Variants in CCDC7 observed in about 807,000 individuals in gnomAD.
The protein encoded by CCDC7 is coiled-coil domain containing 7.
In CCDC7, 183 loss-of-function variants were observed where a neutral mutation model predicts 196.9. That is an observed-to-expected ratio of 0.93 (90% CI 0.82 to 1.05). The LOEUF (loss-of-function observed/expected upper bound fraction) is 1.05, where lower values mean the gene tolerates loss of function less well. CCDC7 is among the 50% of genes least tolerant of loss of function. The pLI, the probability that CCDC7 is intolerant of heterozygous loss-of-function variation, is 0.00. For missense variants in CCDC7, 1,540 were observed against 1,482.2 expected, an observed-to-expected ratio of 1.04 and a Z score of -0.64; for synonymous variants, 525 against 484.6, an observed-to-expected ratio of 1.08 and a Z score of -1.10.
intron 22 of CCDC7, among the ~76,000 whole-genome samples, chr10:32,687,613 C>A (rs181304551): frequency 7.9e-5 from 12 of 152,286 alleles, no homozygotes. Context: ...GGAGATAAAT[C>A]ATTGGTAAAC....
chr10:32,828,430 G>GAAGAA (rs151097370), intron 32 of CCDC7, among the ~76,000 whole-genome samples: 14 of 95,002 alleles, frequency 1.5e-4, no homozygotes, highest in African/African-American at 4.6e-4. Flanking sequence ...AGAAGAAGAA[G>GAAGAA]GAAGGAAGGA....
At chr10:32,830,141 T>TATATATATATATATATATATATA (rs2091994351) in intron 32 of CCDC7, among the ~76,000 whole-genome samples, 1 of 119,630 alleles carries the variant, frequency 8.4e-6, no homozygotes, top group African/African-American at 2.7e-5. Context: ...TATATATATA[T>TATATATATATATATATATATATA]CCTATTAGTT....
intron 18 of CCDC7, among the ~76,000 whole-genome samples, chr10:32,604,296 G>A (rs1352978650): frequency 6.6e-6 from 1 of 152,044 alleles, no homozygotes; most frequent in Non-Finnish European, 1.5e-5. Flanking sequence ...ATTGGTCTAT[G>A]TGTCTGTTTT....
At chr10:32,783,697 C>G (rs2081387873) in intron 29 of CCDC7, among the ~76,000 whole-genome samples, 1 of 152,188 alleles carries the variant, frequency 6.6e-6, no homozygotes, top group South Asian at 2.1e-4. Context: ...TGTGCACCAG[C>G]ATTTATAACA....
At chr10:32,765,149 T>C (rs2078074691) in intron 28 of CCDC7, among the ~76,000 whole-genome samples, 1 of 152,034 alleles carries the variant, frequency 6.6e-6, no homozygotes, top group African/African-American at 2.4e-5. Context: ...AAGGGTACCT[T>C]GAGGAAGGAC....
intron 16 of CCDC7, among the ~76,000 whole-genome samples, chr10:32,573,042 T>C (rs1389356209): frequency 1.3e-5 from 2 of 152,088 alleles, no homozygotes; most frequent in Admixed American, 1.3e-4. Flanking sequence ...CATGCCCGGC[T>C]AATTTTTATA....
chr10:32,722,205 C>T (rs1438608445), intron 25 of CCDC7, among the ~76,000 whole-genome samples: 3 of 152,106 alleles, frequency 2.0e-5, no homozygotes, highest in South Asian at 2.1e-4. Flanking sequence ...CCAAATGGCT[C>T]TAACTAGAGC....
chr10:32,751,413 C>T (rs986060230), intron 28 of CCDC7, among the ~76,000 whole-genome samples: 1 of 151,982 alleles, frequency 6.6e-6, no homozygotes, highest in Non-Finnish European at 1.5e-5. Context: ...GCAGTCTCAG[C>T]TTCTAGTTTA....
intron 18 of CCDC7, among the ~76,000 whole-genome samples, chr10:32,592,330 A>G (rs1043155175): frequency 1.3e-5 from 2 of 151,496 alleles, no homozygotes; most frequent in South Asian, 4.2e-4. Context: ...TTTTCTGTTT[A>G]CTTCATTTAT....
intron 41 of CCDC7, among the ~76,000 whole-genome samples, chr10:32,867,111 C>G (rs1178179623): frequency 6.6e-6 from 1 of 151,496 alleles, no homozygotes; most frequent in Non-Finnish European, 1.5e-5. Context: ...AAAAAACCCA[C>G]AAATTTAGTG....
chr10:32,642,982 A>G (rs957219), intron 20 of CCDC7, among the ~76,000 whole-genome samples: 16,104 of 152,240 alleles, frequency 0.11, 1,046 homozygotes, highest in South Asian at 0.25. Context: ...AATTAAGCAG[A>G]ATTTGGTTTA....
At chr10:32,481,725 C>T (rs1045621558) in intron 8 of CCDC7, 10 of 152,228 alleles carry the variant, frequency 6.6e-5, no homozygotes, top group African/African-American at 2.2e-4. Context: ...TGATGAACTC[C>T]CTGAGCTTTT....
intron 13 of CCDC7, among the ~76,000 whole-genome samples, chr10:32,555,621 C>A (rs538851316): frequency 6.6e-6 from 1 of 152,200 alleles, no homozygotes; most frequent in South Asian, 2.1e-4. Flanking sequence ...GTAAGAGTAG[C>A]ATGCATATAT....
chr10:32,823,189 C>G (rs2090548167), intron 31 of CCDC7, among the ~76,000 whole-genome samples: 1 of 151,618 alleles, frequency 6.6e-6, no homozygotes, highest in Non-Finnish European at 1.5e-5. Context: ...GTTGCCCAGG[C>G]TGGAGTACAG....
chr10:32,545,607 C>G lies in CCDC7; in HGVS notation c.1134+1306C>G, dbSNP rs548438729. ...GATCCAAAGGGTACACAATACCTGT[C>G]AAATTTCGTATGTCTGGGCAGGATG... On this transcript the variant is annotated intron_variant, in intron 13 of 41. Transcript: ENST00000639629. Among the ~76,000 whole-genome samples the G allele has an allele frequency of 5.3e-5, 8 of 152,246 alleles. No individual in the cohort carries two copies. The South Asian group carries it at 6.2e-4, about 12-fold the overall frequency.
intron 9 of CCDC7, among the ~76,000 whole-genome samples, chr10:32,514,988 C>T (rs2046801538): frequency 6.6e-6 from 1 of 152,062 alleles, no homozygotes; most frequent in African/African-American, 2.4e-5. Flanking sequence ...CCATGCCTGG[C>T]AATTAAAAAA....
At chr10:32,513,221 G>A (rs1285677616) in intron 9 of CCDC7, 1 of 152,026 alleles carries the variant, frequency 6.6e-6, no homozygotes, top group East Asian at 1.9e-4. Flanking sequence ...GGAATACTAT[G>A]AATAACTATG....
At chr10:32,780,548 TTG>T (rs150724493) in intron 29 of CCDC7, among the ~76,000 whole-genome samples, 2,300 of 152,186 alleles carry the variant, frequency 0.015, 133 homozygotes, top group Admixed American at 0.11. Context: ...TGAAGTTGAG[TTG>T]GTGTCAATTC....
chr10:32,568,017 T>TC (rs2057084029), intron 15 of CCDC7, 126 bp downstream of exon 16: 1 of 1,106,966 alleles, frequency 9.0e-7, no homozygotes, highest in African/African-American at 1.6e-5. Flanking sequence ...TTTTTTTTTT[T>TC]TTTTTTTTGA....
Sources: gnomAD v4.1 joint callset for allele counts (sites outside exome capture counted in the v4.1 genomes callset) on GRCh38, gnomAD v4.1.1 for gene constraint, MANE v1.5 for transcripts, NCBI Gene and HGNC (gene_info 2026-07-23, HGNC 2026-07-21) for gene names.